The following LINGO4 variants were observed in gnomAD, a reference collection of about 807,000 sequenced individuals.
The protein encoded by LINGO4 is leucine rich repeat and Ig domain containing 4.
LINGO4 carries 22 observed loss-of-function variants against 27.9 expected under a neutral mutation model. The ratio of observed to expected loss-of-function variants is 0.79; its 90% CI spans 0.56 to 1.13. The LOEUF (loss-of-function observed/expected upper bound fraction) is 1.13, where lower values mean the gene tolerates loss of function less well. Ranked by LOEUF, LINGO4 falls within the 50% of genes most tolerant of loss-of-function variation. LINGO4 has a pLI of 0.00. For synonymous variants in LINGO4, 306 were observed against 325.8 expected, an observed-to-expected ratio of 0.94 and a Z score of 0.65; for missense variants, 706 against 739.4, an observed-to-expected ratio of 0.95 and a Z score of 0.52.
In LINGO4 at chr1:151,801,842, A is replaced by T. The variant is rs140797009; in HGVS notation, c.863T>A (p.Ile288Asn). Residue 288 changes from isoleucine (I) to asparagine (N), a missense_variant, in exon 2 of 2, where the codon ATC (isoleucine) becomes AAC (asparagine). Coordinates refer to ENST00000368820, the MANE Select transcript of LINGO4 (RefSeq NM_001004432.4). The surrounding 1 kb of genome is among the most constrained non-coding windows in gnomAD (Gnocchi z 5.7). The part of the protein sequence containing the change: ...LRVLDLSQNP[I>N]SAIPARRLSP... ...GAGCCTTCGGGCTGGGATGGCTGAG[A>T]TGGGATTCTGGGACAGATCCAGGAC... 790 of 1,614,190 alleles carry T rather than the reference A, an allele frequency of 4.9e-4. 2 individuals carry two copies. Among genetic ancestry groups the T allele is most frequent in the Non-Finnish European group, 6.4e-4 (756 of 1,180,030 alleles).
At position 151,801,419 on chromosome 1, in the gene LINGO4, C is replaced by T; in HGVS notation, c.1286G>A (p.Gly429Glu). The stretch of plus-strand genomic sequence containing the variant: ...TCCAGAGCAGGAGAAAACCGCATGC[C>T]CGCCCTCCTCTGCAATGACCCATCG... ...GPRWVIAEEG[G>E]HAVFSCSGDG... Residue 429 changes from glycine (G) to glutamate (E), a missense_variant, in exon 2 of 2, where the codon GGG becomes GAG. Gly to Glu is a moderately conservative substitution (Grantham distance 98). Coordinates refer to ENST00000368820, the MANE Select transcript of LINGO4 (RefSeq NM_001004432.4). This position sits in a 1 kb window ranked among gnomAD's most constrained non-coding sequence, Gnocchi z 5.7. The T allele has an allele frequency of 6.2e-7, 1 of 1,614,132 alleles. No individual in the cohort carries two copies. The highest frequency in any genetic ancestry group is 1.1e-5 in the South Asian group (1 of 91,084).
At chr1:151,804,307 A>AACTGG (rs1257059909) in intron 1 of LINGO4, among the ~76,000 whole-genome samples, 1 of 152,200 alleles carries the variant, frequency 6.6e-6, no homozygotes, top group Non-Finnish European at 1.5e-5. Context: ...GGATGCAGAA[A>AACTGG]ACTGGTGTGA....
intron 1 of LINGO4, among the ~76,000 whole-genome samples, chr1:151,804,463 T>C (rs1297628634): frequency 6.6e-6 from 1 of 152,210 alleles, no homozygotes; most frequent in Non-Finnish European, 1.5e-5. Context: ...CTAGGCTTGT[T>C]CTGGGAAGTC....
At chr1:151,805,109 A>C (rs1651250858) in intron 1 of LINGO4, 121 bp downstream of exon 1, 1 of 152,636 alleles carries the variant, frequency 6.6e-6, no homozygotes, top group Non-Finnish European at 1.5e-5. Flanking sequence ...AATTGTTAGC[A>C]GTGTGGGGGC....
In LINGO4 at chr1:151,801,357, G is replaced by A. The variant is rs755777855; in HGVS notation, c.1348C>T (p.Pro450Ser). The change falls in exon 2 of 2, where the codon CCT becomes TCT. Residue 450 changes from proline (P) to serine (S), a missense_variant. By Grantham distance (74) the Pro-to-Ser change is moderately conservative (BLOSUM62 -1). Coordinates refer to ENST00000368820, the MANE Select transcript of LINGO4 (RefSeq NM_001004432.4). This position sits in a 1 kb window ranked among gnomAD's most constrained non-coding sequence, Gnocchi z 5.7. ...DPAPTVSWMRPHGAWLGRAGR... is the reference protein window; with the variant it reads ...DPAPTVSWMRSHGAWLGRAGR... Reference sequence around the variant, plus strand: ...GCCCTGCCCAGCCAAGCCCCATGAGGCCTCATCCAGGAGACAGTGGGGGCT... The same window carrying A: ...GCCCTGCCCAGCCAAGCCCCATGAGACCTCATCCAGGAGACAGTGGGGGCT... 6.2e-7 allele frequency: 1 copy of A among 1,613,734 alleles called. No homozygotes were observed. Among genetic ancestry groups the A allele is most frequent in the South Asian group, 1.1e-5 (1 of 91,078 alleles).
In LINGO4 at chr1:151,801,332, GC is replaced by G. The variant is rs747965194; in HGVS notation, c.1372del (p.Ala458LeufsTer4). ...MRPHGAWLGRAGRVRVLEDGT... is the reference protein window; with the variant it reads ...MRPHGAWLGRXGRVRVLEDGT... ...ATCCTCTAGGACCCTTACTCTCCCAGCCCTGCCCAGCCAAGCCCCATGAGGC... is the reference window on the plus strand; with the variant it reads ...ATCCTCTAGGACCCTTACTCTCCCAGCCTGCCCAGCCAAGCCCCATGAGGC... On this transcript the variant is annotated frameshift_variant, in exon 2 of 2. Coordinates refer to ENST00000368820, the MANE Select transcript of LINGO4 (RefSeq NM_001004432.4). LOFTEE classifies it high-confidence loss of function. The surrounding 1 kb of genome is among the most constrained non-coding windows in gnomAD (Gnocchi z 5.7). The G allele has an allele frequency of 2.3e-5, 37 of 1,612,792 alleles. No individual in the cohort carries two copies. The highest frequency in any genetic ancestry group is 9.3e-6 in the Non-Finnish European group (11 of 1,178,858).
chr1:151,800,983 T>C lies in LINGO4; in HGVS notation c.1722A>G (p.Ala574=). 6.2e-7 allele frequency: 1 copy of C among 1,614,006 alleles called. No individual in the cohort carries two copies. The highest frequency in any genetic ancestry group is 8.5e-7 in the Non-Finnish European group (1 of 1,179,920). ...AGTTTTTATCCCCAGAGGGCCGAGG[T>C]GCCACAAAGTCAAAGGTCATGTGAT... ...VKHHMTFDFV[A]PRPSGDKNSG... is the part of the protein sequence containing the mutation. Residue 574 remains alanine (A), a synonymous_variant, in exon 2 of 2, where the codon GCA becomes GCG. Coordinates refer to ENST00000368820, the MANE Select transcript of LINGO4 (RefSeq NM_001004432.4).
At position 151,800,805 on chromosome 1, in the gene LINGO4, G is replaced by A; in HGVS notation, c.*118C>T. On this transcript the variant is annotated 3_prime_UTR_variant, in exon 2 of 2. Transcript: ENST00000368820. ...TCCGGCAGGAGGCACAACGCAGGCG[G>A]GAGGTGCAGGAGAGCGGTGCTGCTC... 1.1e-6 allele frequency: 1 copy of A among 875,668 alleles called. No homozygotes were observed. Among genetic ancestry groups the A allele is most frequent in the Non-Finnish European group, 1.8e-6 (1 of 565,862 alleles). The allele number at this position is 875,668 out of a possible 1,614,324, so 54.2% of individuals were successfully genotyped here. A position where few individuals can be genotyped will look rare whatever the true frequency, so the allele number is the denominator to read the frequency against.
At position 151,801,759 on chromosome 1, in the gene LINGO4, C is replaced by T. The variant is rs748071099; in HGVS notation, c.946G>A (p.Ala316Thr). 4 of 1,614,204 alleles carry T rather than the reference C, an allele frequency of 2.5e-6. No individual in the cohort carries two copies. The highest frequency in any genetic ancestry group is 2.2e-5 in the East Asian group (1 of 44,880). ...GTCAAGCCATGGAAGGCATGGGCAG[C>T]AATGGAGGTGAGGCATGCCCCTGAC... ...RLSGACLTSI[A>T]AHAFHGLTAF... The change falls in exon 2 of 2, where the codon GCT becomes ACT. Residue 316 changes from alanine (A) to threonine (T), a missense_variant. Ala to Thr is a moderately conservative substitution (Grantham distance 58). Coordinates refer to ENST00000368820, the MANE Select transcript of LINGO4 (RefSeq NM_001004432.4). The surrounding 1 kb of genome is among the most constrained non-coding windows in gnomAD (Gnocchi z 5.7).
At chr1:151,802,921 C>T (rs1651195168) in intron 1 of LINGO4, among the ~76,000 whole-genome samples, 1 of 152,142 alleles carries the variant, frequency 6.6e-6, no homozygotes, top group African/African-American at 2.4e-5. Flanking sequence ...TCTCTGCTTT[C>T]CTCCCTCTTC....
chr1:151,801,134 G>T lies in LINGO4; in HGVS notation c.1571C>A (p.Pro524His). ...CACACCTCTGCTATCCAGAAAAAAA[G>T]GCCCTGGGATCCCTGGCACGGTGAT... ...PNITVPGIPG[P>H]FFLDSRGVAM... The change falls in exon 2 of 2, where the codon CCT becomes CAT. Residue 524 changes from proline to histidine, a missense_variant. By Grantham distance (77) the Pro-to-His change is moderately conservative. Transcript: ENST00000368820. This position sits in a 1 kb window ranked among gnomAD's most constrained non-coding sequence, Gnocchi z 5.7. The T allele has an allele frequency of 6.2e-7, 1 of 1,614,172 alleles. No individual in the cohort carries two copies. The highest frequency in any genetic ancestry group is 8.5e-7 in the Non-Finnish European group (1 of 1,180,020).
In LINGO4 at chr1:151,801,825, G is replaced by A. The variant is rs765250659; in HGVS notation, c.880C>T (p.Arg294Ter). 64 of 1,614,110 alleles carry A rather than the reference G, an allele frequency of 4.0e-5. No individual in the cohort carries two copies. The highest frequency in any genetic ancestry group is 3.0e-4 in the South Asian group (27 of 91,090). ...SQNPISAIPA[R>*]RLSPLVRLQE... The stretch of plus-strand genomic sequence containing the variant: ...AGCCGCACCAGGGGGCTGAGCCTTC[G>A]GGCTGGGATGGCTGAGATGGGATTC... The change falls in exon 2 of 2, where the codon CGA becomes TGA. Residue 294 changes from arginine (R) to a stop codon, truncating the protein, a stop_gained. Transcript: ENST00000368820. LOFTEE classifies it high-confidence loss of function. This position sits in a 1 kb window ranked among gnomAD's most constrained non-coding sequence, Gnocchi z 5.7.
At chr1:151,804,088 C>G (rs1445042161) in intron 1 of LINGO4, among the ~76,000 whole-genome samples, 1 of 152,194 alleles carries the variant, frequency 6.6e-6, no homozygotes, top group Non-Finnish European at 1.5e-5. Flanking sequence ...GGGCTTCAGG[C>G]TCTCTGGGCT....
At chr1:151,804,905 C>A (rs1220874388) in intron 1 of LINGO4, among the ~76,000 whole-genome samples, 8 of 152,152 alleles carry the variant, frequency 5.3e-5, no homozygotes, top group Non-Finnish European at 1.2e-4. Context: ...ACCTGACTGA[C>A]AAATGGGAAC....
Position 151,800,640 on chromosome 1 carries a change from T to G in LINGO4, c.*283A>C. 15 of 408,694 alleles carry G rather than the reference T, an allele frequency of 3.7e-5. No individual in the cohort carries two copies. Among genetic ancestry groups the G allele is most frequent in the East Asian group, 4.0e-5 (1 of 24,912 alleles). 25.3% of individuals were successfully genotyped at this position (408,694 alleles called of 1,614,324 possible). On this transcript the variant is annotated 3_prime_UTR_variant, in exon 2 of 2. Coordinates refer to ENST00000368820, the MANE Select transcript of LINGO4 (RefSeq NM_001004432.4). ...TTAGACTAGCTGACTAGCGCTTTGATTATGTTTCCTGTTTTGTGTGTGGAG... is the reference window on the plus strand; with the variant it reads ...TTAGACTAGCTGACTAGCGCTTTGAGTATGTTTCCTGTTTTGTGTGTGGAG...
chr1:151,804,104 G>A (rs769040462), intron 1 of LINGO4, among the ~76,000 whole-genome samples: 19 of 152,178 alleles, frequency 1.2e-4, no homozygotes, highest in Non-Finnish European at 2.4e-4. Flanking sequence ...GGGCTCTACA[G>A]GGTCAGCTTT....
chr1:151,800,654 T>C lies in LINGO4; in HGVS notation c.*269A>G. ...TAGCGCTTTGATTATGTTTCCTGTT[T>C]TGTGTGTGGAGGGGGTGAAGCAGGG... On this transcript the variant is annotated 3_prime_UTR_variant, in exon 2 of 2. Coordinates refer to ENST00000368820, the MANE Select transcript of LINGO4 (RefSeq NM_001004432.4). The C allele has an allele frequency of 2.2e-6, 1 of 448,398 alleles. No homozygotes were observed. The highest frequency in any genetic ancestry group is 4.0e-6 in the Non-Finnish European group (1 of 252,088). 27.8% of individuals were successfully genotyped at this position (448,398 alleles called of 1,614,324 possible).
In LINGO4 at chr1:151,805,346, G is replaced by A. The variant is rs1435854384; in HGVS notation, c.-130C>T. The A allele has an allele frequency of 3.2e-5, 6 of 186,178 alleles. No homozygotes were observed. Among genetic ancestry groups the A allele is most frequent in the Admixed American group, 6.0e-5 (1 of 16,736 alleles). The allele number at this position is 186,178 out of a possible 1,614,324, so 11.5% of individuals were successfully genotyped here. On this transcript the variant is annotated 5_prime_UTR_variant, in exon 1 of 2. Coordinates refer to ENST00000368820, the MANE Select transcript of LINGO4 (RefSeq NM_001004432.4). ...ACCTTCCCTGTGTGCCTCAACCCCC[G>A]CTGCCTGGCTGCCCGGCTGCTGCCT...
At position 151,800,872 on chromosome 1, in the gene LINGO4, C is replaced by T; in HGVS notation, c.*51G>A. On this transcript the variant is annotated 3_prime_UTR_variant, in exon 2 of 2. Coordinates refer to ENST00000368820, the MANE Select transcript of LINGO4 (RefSeq NM_001004432.4). ...TCAAGCAGCCTTGGTTCTGTCTTCC[C>T]CTTTGGTATCTGAAGCGGACTTGGT... The T allele has an allele frequency of 6.6e-7, 1 of 1,517,124 alleles. No individual in the cohort carries two copies. The highest frequency in any genetic ancestry group is 8.9e-7 in the Non-Finnish European group (1 of 1,118,178). 94.0% of individuals were successfully genotyped at this position (1,517,124 alleles called of 1,614,324 possible). A position where few individuals can be genotyped will look rare whatever the true frequency, so the allele number is the denominator to read the frequency against.
Sources: allele counts gnomAD v4.1 joint callset (sites outside exome capture counted in the v4.1 genomes callset), GRCh38; gene constraint gnomAD v4.1.1; non-coding constraint Gnocchi (gnomAD v3.1); transcripts MANE v1.5; gene names NCBI Gene and HGNC (gene_info 2026-07-23, HGNC 2026-07-21).